The following GRK6 variants were observed in gnomAD, a reference collection of about 807,000 sequenced individuals.
GRK6 encodes G protein-coupled receptor kinase 6.
Under a neutral mutation model 80.8 loss-of-function variants are expected in GRK6, and 37 were observed. The observed-to-expected ratio is 0.46, with a 90% CI of 0.35 to 0.60. The LOEUF is 0.60. Ranked by LOEUF, GRK6 falls within the 20% of genes least tolerant of loss-of-function variation. The pLI, the probability that GRK6 is intolerant of heterozygous loss-of-function variation, is 0.00. For missense variants in GRK6, 560 were observed against 784.6 expected (o/e 0.71, Z 3.42); for synonymous variants, 295 against 320.9 (o/e 0.92, Z 0.86).
At position 177,436,067 on chromosome 5, in the gene GRK6, G is replaced by A. The variant is rs373205771; in HGVS notation, c.1058-6G>A. 5 of 1,610,820 alleles carry A rather than the reference G, an allele frequency of 3.1e-6. No homozygotes were observed. The highest frequency in any genetic ancestry group is 4.2e-6 in the Non-Finnish European group (5 of 1,177,686). The stretch of plus-strand genomic sequence containing the variant: ...CCCAGCCCTAACTCCCATGCCGCCC[G>A]CCCAGCTCCGGAGGTGGTGAAGAAT... On this transcript the variant is annotated splice_region_variant and splice_polypyrimidine_tract_variant and intron_variant, in intron 11 of 15. Transcript: ENST00000355472.
At chr5:177,436,001 C>A in intron 11 of GRK6, 72 bp from the exon 12 acceptor site, 1 of 1,335,424 alleles carries the variant, frequency 7.5e-7, no homozygotes, top group Non-Finnish European at 1.1e-6. Flanking sequence ...CTAACGTGCA[C>A]TGGCGTTCCT....
rs1053153967 is a variant in GRK6 at position 177,441,156 on chromosome 5, C to A, written c.1677+103C>A. On this transcript the variant is annotated intron_variant, in intron 15 of 15. Transcript: ENST00000355472. ...GCATGCGCTGGGAGTGGGCGTCCTC[C>A]AGTCCTGTTGTGGTGCCCAGGGTCT... 5.4e-5 allele frequency: 82 copies of A among 1,515,224 alleles called. No homozygotes were observed. The Admixed American group carries it at 5.9e-4, about 11-fold the overall frequency. 93.9% of individuals were successfully genotyped at this position (1,515,224 alleles called of 1,614,324 possible).
At chr5:177,426,569 C>CT (rs1041327425), upstream of GRK6, 3 of 151,978 alleles carry the variant, frequency 2.0e-5, no homozygotes, top group Non-Finnish European at 4.4e-5. Flanking sequence ...AAGAGGAAGA[C>CT]TAATGGGAAG....
Position 177,435,108 on chromosome 5 carries a change from C to T in GRK6, c.1044C>T (p.Thr348=), listed in dbSNP as rs1764082759. ...EGQTIKGRVG[T]VGYMAPEVVK... ...AGACCATCAAAGGGCGTGTGGGCAC[C>T]GTGGGTTACATGGGTGAGTCTTCTC... The change falls in exon 11 of 16, where the codon ACC becomes ACT. Residue 348 remains threonine (T), a synonymous_variant. Coordinates refer to ENST00000355472, the MANE Select transcript of GRK6 (RefSeq NM_001004106.3). 3.1e-6 allele frequency: 5 copies of T among 1,608,106 alleles called. No individual in the cohort carries two copies. The highest frequency in any genetic ancestry group is 1.1e-5 in the South Asian group (1 of 90,626).
intron 2 of GRK6, chr5:177,431,690 G>C (rs1034416146): frequency 2.3e-6 from 1 of 427,556 alleles, no homozygotes; most frequent in South Asian, 2.2e-5. Flanking sequence ...CCCAACCCCA[G>C]TACCGTGACA....
upstream of GRK6, among the ~76,000 whole-genome samples, chr5:177,425,959 C>CT (rs1265829228): frequency 6.6e-6 from 1 of 152,234 alleles, no homozygotes; most frequent in Non-Finnish European, 1.5e-5. Flanking sequence ...GTAGCGCTGC[C>CT]TTATAAGGCG....
Position 177,426,876 on chromosome 5 carries a change from G to A in GRK6, c.31G>A (p.Val11Met). 1 of 1,396,712 alleles carries A rather than the reference G, an allele frequency of 7.2e-7. No individual in the cohort carries two copies. Among genetic ancestry groups the A allele is most frequent in the Admixed American group, 2.4e-5 (1 of 41,074 alleles). The allele number at this position is 1,396,712 out of a possible 1,614,324, so 86.5% of individuals were successfully genotyped here. Residue 11 changes from valine to methionine, a missense_variant, in exon 1 of 16, where the codon GTG becomes ATG. Around this residue, in one of 3 missense-constraint regions of GRK6, gnomAD observed 189 missense variants for 230.2 expected, o/e 0.82. Coordinates refer to ENST00000355472, the MANE Select transcript of GRK6 (RefSeq NM_001004106.3). ...GCTCGAGAACATCGTAGCGAACACG[G>A]TGCTACTCAAGGCCCGGGAAGGTGA... MELENIVANT[V>M]LLKAREGGGG...
At chr5:177,430,147 G>A (rs1334013069) in intron 1 of GRK6, among the ~76,000 whole-genome samples, 1 of 152,096 alleles carries the variant, frequency 6.6e-6, no homozygotes, top group Non-Finnish European at 1.5e-5. Flanking sequence ...CAGCAATCAA[G>A]CAATCAGCTG....
At chr5:177,431,089 G>A in intron 2 of GRK6, 122 bp downstream of exon 2, 2 of 737,812 alleles carry the variant, frequency 2.7e-6, no homozygotes, top group East Asian at 2.7e-5. Context: ...TGAGCAGGAG[G>A]ATGAGGACTG....
rs1409963125 is a variant in GRK6, at chr5:177,435,023, C to T, written c.968-9C>T. On this transcript the variant is annotated splice_polypyrimidine_tract_variant and intron_variant, in intron 10 of 15. Coordinates refer to ENST00000355472, the MANE Select transcript of GRK6 (RefSeq NM_001004106.3). ...TAACGGGTCCACCTGTTTCTCCACCCACACTCAGGCCACATCCGCATCTCT... is the reference window on the plus strand; with the variant it reads ...TAACGGGTCCACCTGTTTCTCCACCTACACTCAGGCCACATCCGCATCTCT... 1.2e-6 allele frequency: 2 copies of T among 1,613,092 alleles called. No individual in the cohort carries two copies. The highest frequency in any genetic ancestry group is 2.2e-5 in the South Asian group (2 of 91,032).
In GRK6 at chr5:177,442,584, C is replaced by G. The variant is rs963444841; in HGVS notation, c.*794C>G. On this transcript the variant is annotated 3_prime_UTR_variant, in exon 16 of 16. Coordinates refer to ENST00000355472, the MANE Select transcript of GRK6 (RefSeq NM_001004106.3). ...ATCCCTGGTCAACCCTCAAACATTC[C>G]GGACTCCCCTCATAACAATAGACAC... 6.5e-6 allele frequency: 1 copy of G among 152,826 alleles called. No homozygotes were observed. The highest frequency in any genetic ancestry group is 1.5e-5 in the Non-Finnish European group (1 of 68,194). 9.5% of individuals were successfully genotyped at this position (152,826 alleles called of 1,614,324 possible).
intron 1 of GRK6, 124 bp downstream of exon 1, chr5:177,427,021 G>T: frequency 1.4e-5 from 6 of 443,192 alleles, no homozygotes; most frequent in Non-Finnish European, 2.1e-5. Context: ...CTTACACCCC[G>T]CCCAGACACG....
chr5:177,435,280 C>T (rs1466480657), intron 11 of GRK6, among the ~76,000 whole-genome samples, 159 bp downstream of exon 11: 1 of 152,274 alleles, frequency 6.6e-6, no homozygotes, highest in Admixed American at 6.5e-5. Flanking sequence ...GACCAAGACT[C>T]AGCCGGGGCC....
intron 2 of GRK6, among the ~76,000 whole-genome samples, chr5:177,431,461 A>G (rs956855063): frequency 6.6e-6 from 1 of 152,222 alleles, no homozygotes; most frequent in African/African-American, 2.4e-5. Flanking sequence ...GTTCCTGCCA[A>G]TCTTGGCCAA....
rs893765445 is a variant in GRK6 at position 177,435,138 on chromosome 5, C to T, written c.1057+17C>T. On this transcript the variant is annotated intron_variant, in intron 11 of 15. Transcript: ENST00000355472. Reference sequence around the variant, plus strand: ...GTTACATGGGTGAGTCTTCTCTGCCCGGCCCACTAGCCTCCTGGGTTCCCT... The same window carrying T: ...GTTACATGGGTGAGTCTTCTCTGCCTGGCCCACTAGCCTCCTGGGTTCCCT... 1.2e-5 allele frequency: 19 copies of T among 1,571,550 alleles called. No individual in the cohort carries two copies. Among genetic ancestry groups the T allele is most frequent in the African/African-American group, 5.4e-5 (4 of 74,270 alleles).
chr5:177,441,269 G>C, intron 15 of GRK6: 1 of 1,563,720 alleles, frequency 6.4e-7, no homozygotes, highest in Non-Finnish European at 8.7e-7. Flanking sequence ...GGCTCCCCGT[G>C]GGTTGGCCTT....
In GRK6 at chr5:177,440,980, C is replaced by G. The variant is rs148914663; in HGVS notation, c.1604C>G (p.Pro535Arg). 6.2e-7 allele frequency: 1 copy of G among 1,613,924 alleles called. No homozygotes were observed. Among genetic ancestry groups the G allele is most frequent in the African/African-American group, 1.3e-5 (1 of 74,926 alleles). The part of the protein sequence containing the change: ...NVFGLDGSVP[P>R]DLDWKGQPPA... ...TTTGGGCTGGATGGCTCAGTTCCCC[C>G]AGACCTGGACTGGAAGGGCCAGCCA... The change falls in exon 15 of 16, where the codon CCA (proline) becomes CGA (arginine). Residue 535 changes from proline (P) to arginine (R), a missense_variant. By Grantham distance (103) the Pro-to-Arg change is moderately radical (BLOSUM62 -2). Coordinates refer to ENST00000355472, the MANE Select transcript of GRK6 (RefSeq NM_001004106.3).
In GRK6 at chr5:177,433,245, C is replaced by T. The variant is rs371969442; in HGVS notation, c.533+6C>T. On this transcript the variant is annotated splice_donor_region_variant and intron_variant, in intron 6 of 15. Transcript: ENST00000355472. ...CAGTGGAAGTGGCTGGAAAGGTGAGCTCCCTGAAGGCTGGGCCGGGACAGG... is the reference window on the plus strand; with the variant it reads ...CAGTGGAAGTGGCTGGAAAGGTGAGTTCCCTGAAGGCTGGGCCGGGACAGG... 420 of 1,613,886 alleles carry T rather than the reference C, an allele frequency of 2.6e-4. No homozygotes were observed. Among genetic ancestry groups the T allele is most frequent in the Non-Finnish European group, 3.1e-4 (367 of 1,179,936 alleles).
At chr5:177,431,905 T>C (rs1460597572) in intron 2 of GRK6, 90 bp from the exon 3 acceptor site, 13 of 1,120,202 alleles carry the variant, frequency 1.2e-5, no homozygotes, top group Non-Finnish European at 1.8e-5. Context: ...TGGAAGCTGT[T>C]GTGGGGGCCC....
Sources: gnomAD v4.1 joint callset for allele counts (sites outside exome capture counted in the v4.1 genomes callset) on GRCh38, gnomAD v4.1.1 for gene constraint, gnomAD v4.1.1 regional missense constraint, MANE v1.5 for transcripts, NCBI Gene and HGNC (gene_info 2026-07-23, HGNC 2026-07-21) for gene names.